ARHGEF28: variants seen among roughly 807,000 people sequenced by gnomAD.
ARHGEF28 encodes the protein 190 kDa guanine nucleotide exchange factor.
In ARHGEF28, 152 loss-of-function variants were observed where a neutral mutation model predicts 206.6. That is an observed-to-expected ratio of 0.74 (90% CI 0.64 to 0.84). The LOEUF (loss-of-function observed/expected upper bound fraction) is 0.84, where lower values mean the gene tolerates loss of function less well. Among genes scored for constraint, ARHGEF28 ranks in the 40% least tolerant of loss-of-function variants. The pLI is 0.00. For missense variants in ARHGEF28, 2,028 were observed against 2,073.2 expected (o/e 0.98, Z 0.42); for synonymous variants, 763 against 776.4 (o/e 0.98, Z 0.29).
chr5:73,897,883 G>T, intron 29 of ARHGEF28, 79 bp from the exon 30 acceptor site: 1 of 1,450,276 alleles, frequency 6.9e-7, no homozygotes, highest in South Asian at 1.3e-5. Context: ...GGCCAAATGC[G>T]ATTTGCCAAT....
At chr5:73,757,553 C>G (rs1752384427) in intron 4 of ARHGEF28, among the ~76,000 whole-genome samples, 1 of 152,082 alleles carries the variant, frequency 6.6e-6, no homozygotes, top group African/African-American at 2.4e-5. Context: ...TTAGGAAGGA[C>G]TGGGAATCTG....
At chr5:73,638,514 A>C (rs1426304788) in intron 1 of ARHGEF28, among the ~76,000 whole-genome samples, 2 of 152,214 alleles carry the variant, frequency 1.3e-5, no homozygotes, top group Non-Finnish European at 2.9e-5. Flanking sequence ...AGTATCCTAC[A>C]ACTTTGAGTT....
chr5:73,671,694 T>TTTTATATATATA (rs1746307442), intron 1 of ARHGEF28, among the ~76,000 whole-genome samples: 1 of 76,108 alleles, frequency 1.3e-5, no homozygotes, highest in Non-Finnish European at 2.5e-5. Flanking sequence ...TTGAACTTGA[T>TTTTATATATATA]TATATATATA....
intron 35 of ARHGEF28, among the ~76,000 whole-genome samples, chr5:73,936,563 T>A (rs749708496): frequency 2.6e-5 from 4 of 152,190 alleles, no homozygotes; most frequent in African/African-American, 4.8e-5. Flanking sequence ...ATTTCACACA[T>A]AACATGAGAA....
intron 10 of ARHGEF28, among the ~76,000 whole-genome samples, chr5:73,833,446 A>G (rs910150143): frequency 6.6e-6 from 1 of 152,180 alleles, no homozygotes; most frequent in African/African-American, 2.4e-5. Context: ...GTTATATCAA[A>G]TGCAGCACAG....
At chr5:73,653,488 A>G (rs1212267765) in intron 1 of ARHGEF28, among the ~76,000 whole-genome samples, 1 of 152,168 alleles carries the variant, frequency 6.6e-6, no homozygotes, top group Non-Finnish European at 1.5e-5. Context: ...TAACTTCGGG[A>G]TGGAGATTCC....
chr5:73,789,764 CA>C (rs1203392124), intron 7 of ARHGEF28, among the ~76,000 whole-genome samples: 7 of 152,046 alleles, frequency 4.6e-5, no homozygotes, highest in African/African-American at 1.7e-4. Flanking sequence ...GCAAGTCCCC[CA>C]GGAGCCTTGT....
rs1761685883 is a variant in ARHGEF28 at position 73,892,223 on chromosome 5, G to A, written c.3559G>A (p.Val1187Ile). The change falls in exon 27 of 36, where the codon GTA (valine) becomes ATA (isoleucine). Residue 1187 changes from valine to isoleucine, a missense_variant. Val to Ile is a conservative substitution (Grantham distance 29, BLOSUM62 3). Around this residue, in one of 3 missense-constraint regions of ARHGEF28, gnomAD observed 803 missense variants for 768.0 expected, o/e 1.05. Transcript: ENST00000513042. The stretch of plus-strand genomic sequence containing the variant: ...CTGGATGAGACGGATCCAGCAGGCT[G>A]TAGAAAGGTAACATTTCCTTCCGTC... ...NNWMRRIQQAVESCPEEKGGR... is the reference protein window; with the variant it reads ...NNWMRRIQQAIESCPEEKGGR... The A allele has an allele frequency of 6.4e-7, 1 of 1,560,776 alleles. No homozygotes were observed. The highest frequency in any genetic ancestry group is 2.4e-5 in the East Asian group (1 of 42,140).
At chr5:73,754,023 A>G (rs1008755837) in intron 4 of ARHGEF28, among the ~76,000 whole-genome samples, 4 of 152,222 alleles carry the variant, frequency 2.6e-5, no homozygotes, top group African/African-American at 9.6e-5. Context: ...TTGGAAATAC[A>G]CAAATGTTGT....
chr5:73,902,369 A>G (rs1428893172), intron 31 of ARHGEF28: 1 of 152,196 alleles, frequency 6.6e-6, no homozygotes, highest in Non-Finnish European at 1.5e-5. Context: ...GAGAGAGTGA[A>G]TTGGACAGTA....
In ARHGEF28 at chr5:73,867,985, A is replaced by C. The variant is rs1759817545; in HGVS notation, c.2262A>C (p.Pro754=). ...GRRETVGQVH[P]LSRSVPGTTL... ...GGGAGACTGTGGGACAGGTCCATCC[A>C]TTGTCCAGAAGTGTTCCAGGCACCA... is the stretch of plus-strand genomic sequence containing the variant. The change falls in exon 19 of 36, where the codon CCA becomes CCC. Residue 754 remains proline, a synonymous_variant. Transcript: ENST00000513042. 4 of 1,613,780 alleles carry C rather than the reference A, an allele frequency of 2.5e-6. No homozygotes were observed. In the African/African-American group the frequency reaches 5.3e-5, roughly 22 times the overall value.
intron 2 of ARHGEF28, among the ~76,000 whole-genome samples, chr5:73,734,464 G>A (rs554318475): frequency 6.0e-4 from 91 of 152,266 alleles, no homozygotes; most frequent in Middle Eastern, 3.4e-3. Flanking sequence ...ACACTTCTAG[G>A]CAAATGTGCT....
chr5:73,641,782 G>A (rs1744124264), intron 1 of ARHGEF28, among the ~76,000 whole-genome samples: 1 of 152,156 alleles, frequency 6.6e-6, no homozygotes, highest in African/African-American at 2.4e-5. Flanking sequence ...GGAGTATCTG[G>A]TGACATTTTC....
At chr5:73,691,164 A>T (rs1747805324) in intron 2 of ARHGEF28, among the ~76,000 whole-genome samples, 1 of 152,134 alleles carries the variant, frequency 6.6e-6, no homozygotes, top group Non-Finnish European at 1.5e-5. Flanking sequence ...TTCTGGGCTC[A>T]AGAGATCCAC....
In ARHGEF28 at chr5:73,843,215, T is replaced by C. The variant is rs1195494147; in HGVS notation, c.1427+2455T>C. 3.9e-5 allele frequency among the ~76,000 whole-genome samples: 6 copies of C among 152,160 alleles called. No individual in the cohort carries two copies. The East Asian group carries it at 7.7e-4, about 20-fold the overall frequency. On this transcript the variant is annotated intron_variant, in intron 11 of 35. Coordinates refer to ENST00000513042, the MANE Select transcript of ARHGEF28 (RefSeq NM_001177693.2). Reference sequence around the variant, plus strand: ...TCACTGCTACAGATAGAATTTTTCCTCTGTAGAATATAATTTAGACAAAAT... The same window carrying C: ...TCACTGCTACAGATAGAATTTTTCCCCTGTAGAATATAATTTAGACAAAAT...
intron 2 of ARHGEF28, among the ~76,000 whole-genome samples, chr5:73,740,244 T>G (rs963356521): frequency 7.3e-5 from 11 of 151,558 alleles, no homozygotes; most frequent in Non-Finnish European, 1.6e-4. Flanking sequence ...CCAAATCCAG[T>G]TATGTTAGGT....
chr5:73,679,043 C>T (rs1023135019), intron 1 of ARHGEF28, among the ~76,000 whole-genome samples: 8 of 152,088 alleles, frequency 5.3e-5, no homozygotes, highest in African/African-American at 1.2e-4. Context: ...CATGCACCAC[C>T]GTGCCCGGTT....
intron 1 of ARHGEF28, among the ~76,000 whole-genome samples, chr5:73,679,138 G>A (rs1222826995): frequency 3.3e-5 from 5 of 152,176 alleles, no homozygotes; most frequent in Non-Finnish European, 5.9e-5. Context: ...CTCTTTGGAA[G>A]ATTAAATAAA....
At chr5:73,769,191 G>A (rs898013814) in intron 4 of ARHGEF28, among the ~76,000 whole-genome samples, 9 of 152,098 alleles carry the variant, frequency 5.9e-5, no homozygotes, top group African/African-American at 1.9e-4. Context: ...GTCTGTATGT[G>A]TATATATATA....
Sources: allele counts gnomAD v4.1 joint callset (sites outside exome capture counted in the v4.1 genomes callset), GRCh38; gene constraint gnomAD v4.1.1; regional missense constraint gnomAD v4.1.1; transcripts MANE v1.5; gene names NCBI Gene and HGNC (gene_info 2026-07-23, HGNC 2026-07-21).